Variants in NHSL1 observed in about 807,000 individuals in gnomAD.
NHSL1 encodes the protein NHS like 1.
A neutral mutation model predicts 95.0 loss-of-function variants in NHSL1; 48 were observed. The observed-to-expected ratio is 0.51, with a 90% confidence interval of 0.40 to 0.64. The LOEUF (loss-of-function observed/expected upper bound fraction) is 0.64. Ranked by LOEUF, NHSL1 falls within the 30% of genes least tolerant of loss-of-function variation. The pLI, the probability that NHSL1 is intolerant of heterozygous loss-of-function variation, is 0.00. For missense variants in NHSL1, 1,971 were observed against 2,077.7 expected (o/e 0.95, Z 1.00); for synonymous variants, 783 against 833.9 (o/e 0.94, Z 1.05).
chr6:138,667,664 T>C (rs2114750776), intron 1 of NHSL1, among the ~76,000 whole-genome samples: 1 of 152,352 alleles, frequency 6.6e-6, no homozygotes, highest in Middle Eastern at 3.4e-3. Flanking sequence ...TCCAAGTAAA[T>C]CAAAATGCAA....
At chr6:138,557,934 T>C (rs1783254108) in intron 1 of NHSL1, among the ~76,000 whole-genome samples, 2 of 152,198 alleles carry the variant, frequency 1.3e-5, no homozygotes, top group Admixed American at 1.3e-4. Flanking sequence ...TAGACTATAC[T>C]TTAGAAAGAT....
At chr6:138,428,791 TA>T (rs550741874) in intron 7 of NHSL1, among the ~76,000 whole-genome samples, 1 of 151,152 alleles carries the variant, frequency 6.6e-6, no homozygotes, top group African/African-American at 2.4e-5. Context: ...TTCAGGAGGT[TA>T]AAAAAAAAGA....
chr6:138,460,230 CT>C (rs991716860), intron 3 of NHSL1, among the ~76,000 whole-genome samples: 26 of 151,290 alleles, frequency 1.7e-4, no homozygotes, highest in South Asian at 8.4e-4. Flanking sequence ...GATAAGATTT[CT>C]TTTTTTTTAT....
upstream of NHSL1, among the ~76,000 whole-genome samples, chr6:138,546,189 C>A (rs1396410996): frequency 6.6e-6 from 1 of 151,886 alleles, no homozygotes; most frequent in African/African-American, 2.4e-5. Flanking sequence ...AAACTTTGCA[C>A]TCTGTTGTCT....
rs1174641034 is a variant in NHSL1 at position 138,431,528 on chromosome 6, T to C, written c.2817A>G (p.Pro939=). 11 of 1,550,050 alleles carry C rather than the reference T, an allele frequency of 7.1e-6. No individual in the cohort carries two copies. In the East Asian group the frequency reaches 1.5e-4, roughly 21 times the overall value. The change falls in exon 6 of 8, where the codon CCA becomes CCG. Residue 939 remains proline, a synonymous_variant. Coordinates refer to ENST00000343505, the MANE Select transcript of NHSL1 (RefSeq NM_001144060.2). This position sits in a 1 kb window ranked among gnomAD's most constrained non-coding sequence, Gnocchi z 4.0. ...APPPPPVPSP[P]FPCPADRSPF... ...GAGACCTGTCTGCAGGACAAGGGAA[T>C]GGAGGAGAGGGAACAGGAGGAGGAG...
intron 5 of NHSL1, chr6:138,435,180 G>A (rs561718431): frequency 2.3e-4 from 36 of 154,870 alleles, no homozygotes; most frequent in African/African-American, 8.6e-4. Flanking sequence ...TAATTTAGAA[G>A]ATGGGAAGTT....
chr6:138,424,474 C>T lies in NHSL1; in HGVS notation c.4428G>A (p.Gln1476=), dbSNP rs1014807896. 59 of 1,551,500 alleles carry T rather than the reference C, an allele frequency of 3.8e-5. No individual in the cohort carries two copies. In the Admixed American group the frequency reaches 8.0e-4, roughly 21 times the overall value. The change falls in exon 8 of 8, where the codon CAG becomes CAA. Residue 1476 remains glutamine (Q), a synonymous_variant. Transcript: ENST00000343505. The surrounding 1 kb of genome is among the most constrained non-coding windows in gnomAD (Gnocchi z 5.9). ...AGCCTTCGTTCTTGGCCCACTCCTC[C>T]TGCGCCCTTCTGTTCTTGCTTGGGG... ...SCSPSKNRRA[Q]EEWAKNEGLM...
upstream of NHSL1, among the ~76,000 whole-genome samples, chr6:138,546,427 C>CAAAAAAAAAAAAAAAAAAAAAAAAA (rs1177720465): frequency 9.8e-5 from 5 of 50,950 alleles, no homozygotes; most frequent in African/African-American, 3.1e-4. Context: ...CCCATCTCTA[C>CAAAAAAAAAAAAAAAAAAAAAAAAA]AAAAAAAAAA....
At chr6:138,455,442 G>A (rs771757839) in intron 3 of NHSL1, among the ~76,000 whole-genome samples, 14 of 138,970 alleles carry the variant, frequency 1.0e-4, no homozygotes, top group South Asian at 4.5e-4. Context: ...AGCATGGTGC[G>A]ATGAAAAGAA....
At chr6:138,449,663 G>A (rs1030792559) in intron 3 of NHSL1, among the ~76,000 whole-genome samples, 2 of 151,048 alleles carry the variant, frequency 1.3e-5, no homozygotes, top group African/African-American at 2.4e-5. Flanking sequence ...GCAACAGATC[G>A]AGACTCTGTC....
intron 1 of NHSL1, among the ~76,000 whole-genome samples, chr6:138,526,543 G>A (rs1781913683): frequency 6.6e-6 from 1 of 152,058 alleles, no homozygotes; most frequent in Non-Finnish European, 1.5e-5. Flanking sequence ...TTTTTATATT[G>A]TACTTGCCAC....
At chr6:138,445,331 T>G (rs1251799536) in intron 4 of NHSL1, among the ~76,000 whole-genome samples, 6 of 152,204 alleles carry the variant, frequency 3.9e-5, no homozygotes, top group Admixed American at 3.9e-4. Context: ...GTAATTCATT[T>G]TCTTATAGAA....
intron 1 of NHSL1, among the ~76,000 whole-genome samples, chr6:138,664,880 G>A (rs903375053): frequency 6.6e-6 from 1 of 152,180 alleles, no homozygotes; most frequent in Non-Finnish European, 1.5e-5. Flanking sequence ...TTCTCCCTGG[G>A]GTCAGGGTGT....
chr6:138,492,248 G>C (rs950224954), intron 2 of NHSL1, among the ~76,000 whole-genome samples: 5 of 152,182 alleles, frequency 3.3e-5, no homozygotes, highest in Admixed American at 1.3e-4. Context: ...GGGGGAGTGA[G>C]GGGACCTCCC....
At chr6:138,554,822 T>C (rs1783135821) in intron 1 of NHSL1, among the ~76,000 whole-genome samples, 1 of 152,236 alleles carries the variant, frequency 6.6e-6, no homozygotes, top group African/African-American at 2.4e-5. Flanking sequence ...TGTCCCCCTT[T>C]AACCTTAGTG....
At chr6:138,657,753 T>C (rs1435958154) in intron 1 of NHSL1, among the ~76,000 whole-genome samples, 1 of 137,986 alleles carries the variant, frequency 7.2e-6, no homozygotes, top group Non-Finnish European at 1.5e-5. Flanking sequence ...AGGCAGAGCT[T>C]GCAGTGAGCC....
chr6:138,632,849 C>T (rs555533463), intron 1 of NHSL1, among the ~76,000 whole-genome samples: 83 of 152,200 alleles, frequency 5.5e-4, no homozygotes, highest in Non-Finnish European at 1.1e-3. Flanking sequence ...AAAACATGTC[C>T]TCACCAAATA....
upstream of NHSL1, among the ~76,000 whole-genome samples, chr6:138,503,520 A>ATTTTATTATT (rs1215799237): frequency 6.6e-5 from 10 of 152,176 alleles, no homozygotes; most frequent in Non-Finnish European, 1.3e-4. Context: ...TAAAGTTGTA[A>ATTTTATTATT]TGGAACACCA....
chr6:138,536,598 TCATC>T (rs1261800412), intron 1 of NHSL1, among the ~76,000 whole-genome samples: 1 of 134,022 alleles, frequency 7.5e-6, no homozygotes, highest in Non-Finnish European at 1.5e-5. Flanking sequence ...GGGACATATG[TCATC>T]TTTTTTTTTT....
Sources: gnomAD v4.1 joint callset for allele counts (sites outside exome capture counted in the v4.1 genomes callset) on GRCh38, gnomAD v4.1.1 for gene constraint, Gnocchi (gnomAD v3.1) non-coding constraint, MANE v1.5 for transcripts, NCBI Gene and HGNC (gene_info 2026-07-23, HGNC 2026-07-21) for gene names.